Variants in RARB observed in about 807,000 individuals in gnomAD.
RARB encodes the protein retinoic acid receptor beta, also known as HBV-activated protein.
RARB carries 17 observed loss-of-function variants against 51.9 expected under a neutral mutation model. That is an observed-to-expected ratio of 0.33 (90% confidence interval 0.22 to 0.49). The LOEUF (loss-of-function observed/expected upper bound fraction) is 0.49, where lower values mean the gene tolerates loss of function less well. RARB is among the 20% of genes least tolerant of loss of function. The pLI is 0.99. For synonymous variants in RARB, 215 were observed against 195.4 expected (o/e 1.10, Z -0.84); for missense variants, 369 against 550.8 (o/e 0.67, Z 3.30).
chr3:25,574,912 G>C, intron 4 of RARB, among the ~76,000 whole-genome samples: 1 of 152,118 alleles, frequency 6.6e-6, no homozygotes, highest in Non-Finnish European at 1.5e-5. Flanking sequence ...AAGGTCAGTG[G>C]GGGCCACGAA....
chr3:25,422,279 A>C (rs1707882786), intron 5 of RARB, among the ~76,000 whole-genome samples: 1 of 152,164 alleles, frequency 6.6e-6, no homozygotes, highest in South Asian at 2.1e-4. Flanking sequence ...GCTTCCTTCC[A>C]TCCTTGAAAA....
intron 2 of RARB, among the ~76,000 whole-genome samples, chr3:25,036,672 G>A (rs936172060): frequency 6.6e-6 from 1 of 152,090 alleles, no homozygotes; most frequent in African/African-American, 2.4e-5. Context: ...ACCAGTACCT[G>A]AGTGTGGTGC....
chr3:25,448,585 A>C (rs981638651), intron 1 of RARB, among the ~76,000 whole-genome samples: 1 of 152,092 alleles, frequency 6.6e-6, no homozygotes, highest in Non-Finnish European at 1.5e-5. Flanking sequence ...CTCCTGCCTC[A>C]GCCTCCCGAG....
chr3:25,542,530 G>T (rs1699427989), intron 3 of RARB, among the ~76,000 whole-genome samples: 1 of 152,318 alleles, frequency 6.6e-6, no homozygotes, highest in East Asian at 1.9e-4. Flanking sequence ...CAAGAGTCTA[G>T]GATTCCTACT....
intron 2 of RARB, among the ~76,000 whole-genome samples, chr3:25,007,592 C>CAAAAAAAAAAAAACAAAA (rs759589176): frequency 4.4e-5 from 2 of 45,408 alleles, no homozygotes; most frequent in South Asian, 1.0e-3. Flanking sequence ...GAGACTGTCT[C>CAAAAAAAAAAAAACAAAA]AAAAAAAAAA....
At chr3:25,378,197 C>T (rs866209941) in intron 5 of RARB, among the ~76,000 whole-genome samples, 1 of 152,062 alleles carries the variant, frequency 6.6e-6, no homozygotes, top group Non-Finnish European at 1.5e-5. Context: ...CATGCATGCA[C>T]GAGGGTATTT....
intron 5 of RARB, among the ~76,000 whole-genome samples, chr3:25,383,004 A>G (rs2125480788): frequency 6.6e-6 from 1 of 152,318 alleles, no homozygotes; most frequent in East Asian, 1.9e-4. Flanking sequence ...GAGTGAGAAC[A>G]TCTAGATTAG....
intron 5 of RARB, among the ~76,000 whole-genome samples, chr3:25,258,221 A>G (rs1441539402): frequency 6.6e-6 from 1 of 152,096 alleles, no homozygotes; most frequent in Non-Finnish European, 1.5e-5. Context: ...TCTATGTGGC[A>G]CTACCTCTAA....
intron 5 of RARB, among the ~76,000 whole-genome samples, chr3:25,221,626 C>T (rs2125384821): frequency 6.8e-6 from 1 of 146,584 alleles, no homozygotes; most frequent in South Asian, 2.1e-4. Context: ...GAAGATACAA[C>T]TTGTATAATA....
At chr3:25,210,654 G>C (rs188126664) in intron 5 of RARB, among the ~76,000 whole-genome samples, 153 of 148,292 alleles carry the variant, frequency 1.0e-3, no homozygotes, top group Middle Eastern at 6.9e-3. Flanking sequence ...TCGTGCCTCA[G>C]TCTCCTGAGT....
intron 5 of RARB, among the ~76,000 whole-genome samples, chr3:25,317,114 A>G (rs1704448686): frequency 6.6e-6 from 1 of 150,812 alleles, no homozygotes; most frequent in African/African-American, 2.4e-5. Context: ...TTGCATAGAT[A>G]AAAGCAATAA....
chr3:25,456,154 T>C (rs1694894226), intron 1 of RARB, among the ~76,000 whole-genome samples: 1 of 152,356 alleles, frequency 6.6e-6, no homozygotes, highest in Non-Finnish European at 1.5e-5. Flanking sequence ...GAACAAAATG[T>C]TTGAGGCCTC....
At chr3:24,833,839 T>C (rs750458312) in intron 1 of RARB, among the ~76,000 whole-genome samples, 7 of 152,236 alleles carry the variant, frequency 4.6e-5, no homozygotes, top group Non-Finnish European at 8.8e-5. Flanking sequence ...GATTGGCCAG[T>C]GCTCTAGCCA....
chr3:25,404,267 A>G (rs1321069320), intron 5 of RARB, among the ~76,000 whole-genome samples: 1 of 152,074 alleles, frequency 6.6e-6, no homozygotes, highest in African/African-American at 2.4e-5. Flanking sequence ...TTCCTTCCAC[A>G]TTTCAAGGTG....
intron 2 of RARB, among the ~76,000 whole-genome samples, chr3:25,497,433 G>A (rs1055886557): frequency 2.0e-5 from 3 of 151,898 alleles, no homozygotes; most frequent in African/African-American, 4.8e-5. Context: ...CTCTTCTTTC[G>A]CCAAAATACC....
intron 2 of RARB, among the ~76,000 whole-genome samples, chr3:25,500,069 C>T (rs938657799): frequency 6.6e-6 from 1 of 152,178 alleles, no homozygotes; most frequent in African/African-American, 2.4e-5. Context: ...TAGTACATTA[C>T]TACCCGGTAA....
chr3:24,887,461 G>A (rs1353185627), intron 2 of RARB, among the ~76,000 whole-genome samples: 1 of 152,198 alleles, frequency 6.6e-6, no homozygotes, highest in African/African-American at 2.4e-5. Context: ...TTACAGTATT[G>A]AGTGTACCTT....
intron 3 of RARB, among the ~76,000 whole-genome samples, chr3:25,114,865 G>A (rs979825951): frequency 2.0e-5 from 3 of 152,088 alleles, no homozygotes; most frequent in African/African-American, 4.8e-5. Context: ...ATGTCATAGA[G>A]GATGATATTG....
intron 2 of RARB, among the ~76,000 whole-genome samples, chr3:25,047,429 A>G (rs1215717460): frequency 6.6e-6 from 1 of 152,230 alleles, no homozygotes; most frequent in Non-Finnish European, 1.5e-5. Flanking sequence ...TCATTAAAAA[A>G]AATGTTTATG....
Sources: gnomAD v4.1 joint callset for allele counts (sites outside exome capture counted in the v4.1 genomes callset) on GRCh38, gnomAD v4.1.1 for gene constraint, MANE v1.5 for transcripts, NCBI Gene and HGNC (gene_info 2026-07-23, HGNC 2026-07-21) for gene names.